The following FARS2 variants were observed in gnomAD, a reference collection of about 807,000 sequenced individuals.
FARS2 encodes the protein phenylalanyl-tRNA synthetase 2, mitochondrial, also known as phenylalanine--tRNA ligase, mitochondrial.
Under a neutral mutation model 46.4 loss-of-function variants are expected in FARS2, and 40 were observed. The observed-to-expected ratio is 0.86, with a 90% CI of 0.67 to 1.12. FARS2 has a LOEUF of 1.12. FARS2 is among the 50% of genes most tolerant of loss of function. The probability of loss-of-function intolerance (pLI) is 0.00; values close to 1 mark genes in which losing one functional copy is unlikely to be tolerated. For synonymous variants in FARS2, 234 were observed against 214.9 expected (o/e 1.09, Z -0.78); for missense variants, 513 against 567.9 (o/e 0.90, Z 0.98).
chr6:5,662,569 G>A lies in FARS2; in HGVS notation c.1217+49249G>A, dbSNP rs917215407. Among the ~76,000 whole-genome samples, 7 of 152,294 alleles carry A rather than the reference G, an allele frequency of 4.6e-5. No homozygotes were observed. The South Asian group carries it at 1.0e-3, about 23-fold the overall frequency. Reference sequence around the variant, plus strand: ...GGCCACTCCTCTTGCTGGCTTCACCGTTTGAACTAACTCAGGGACGGGTGT... The same window carrying A: ...GGCCACTCCTCTTGCTGGCTTCACCATTTGAACTAACTCAGGGACGGGTGT... On this transcript the variant is annotated intron_variant, in intron 6 of 6. Coordinates refer to ENST00000274680, the MANE Select transcript of FARS2 (RefSeq NM_006567.5).
chr6:5,482,309 C>T (rs1219412217), intron 4 of FARS2, among the ~76,000 whole-genome samples: 1 of 152,118 alleles, frequency 6.6e-6, no homozygotes, highest in Non-Finnish European at 1.5e-5. Context: ...GTAAATTACA[C>T]AGCATCTTAT....
intron 3 of FARS2, among the ~76,000 whole-genome samples, chr6:5,421,047 T>A (rs959064028): frequency 2.6e-5 from 4 of 151,966 alleles, no homozygotes. Context: ...CTAGCAGAGG[T>A]TCTCCATGAG....
intron 6 of FARS2, among the ~76,000 whole-genome samples, chr6:5,632,094 T>A (rs1776318801): frequency 6.6e-6 from 1 of 152,244 alleles, no homozygotes; most frequent in Admixed American, 6.5e-5. Context: ...TTGAATTAAG[T>A]TTTAAAAATC....
chr6:5,547,543 T>C (rs1490381453), intron 5 of FARS2, among the ~76,000 whole-genome samples: 1 of 152,230 alleles, frequency 6.6e-6, no homozygotes, highest in African/African-American at 2.4e-5. Context: ...TTCCTCTTGA[T>C]GGTGAGATCT....
chr6:5,768,316 A>G (rs1030414115), intron 6 of FARS2, among the ~76,000 whole-genome samples: 29 of 152,228 alleles, frequency 1.9e-4, no homozygotes, highest in African/African-American at 6.5e-4. Flanking sequence ...CCATGTATTT[A>G]TGAATCATTT....
chr6:5,603,991 C>T (rs1774686098), intron 5 of FARS2, among the ~76,000 whole-genome samples: 1 of 152,164 alleles, frequency 6.6e-6, no homozygotes, highest in Non-Finnish European at 1.5e-5. Context: ...AGCCAGAGAG[C>T]CTCACACCCC....
At chr6:5,356,501 A>G (rs1244831305) in intron 1 of FARS2, among the ~76,000 whole-genome samples, 1 of 152,228 alleles carries the variant, frequency 6.6e-6, no homozygotes, top group African/African-American at 2.4e-5. Context: ...TTAGACAGAT[A>G]GACCTGACCA....
intron 3 of FARS2, among the ~76,000 whole-genome samples, chr6:5,417,125 T>C (rs928091990): frequency 1.3e-5 from 2 of 152,244 alleles, no homozygotes; most frequent in African/African-American, 4.8e-5. Context: ...ATGAATTCTT[T>C]TGCATTTGTA....
At chr6:5,383,460 CGA>C (rs1467233916) in intron 2 of FARS2, among the ~76,000 whole-genome samples, 1 of 152,152 alleles carries the variant, frequency 6.6e-6, no homozygotes, top group Non-Finnish European at 1.5e-5. Flanking sequence ...GCTAGCGAAA[CGA>C]GAGGCAAATC....
intron 6 of FARS2, among the ~76,000 whole-genome samples, chr6:5,650,825 C>T (rs910565804): frequency 2.0e-5 from 3 of 152,192 alleles, no homozygotes; most frequent in African/African-American, 7.2e-5. Flanking sequence ...AGAGGCCCCA[C>T]GTTTCCCTGG....
chr6:5,489,598 T>C (rs1419676982), intron 4 of FARS2, among the ~76,000 whole-genome samples: 1 of 152,212 alleles, frequency 6.6e-6, no homozygotes, highest in Non-Finnish European at 1.5e-5. Context: ...GTTCAACCCT[T>C]GTAATATGCT....
intron 4 of FARS2, among the ~76,000 whole-genome samples, chr6:5,526,850 C>T (rs1472088921): frequency 6.6e-6 from 1 of 152,084 alleles, no homozygotes; most frequent in Admixed American, 6.5e-5. Flanking sequence ...CTCCTGACCT[C>T]AGATGATCCG....
At chr6:5,616,601 T>C (rs1325262281) in intron 6 of FARS2, among the ~76,000 whole-genome samples, 1 of 152,222 alleles carries the variant, frequency 6.6e-6, no homozygotes, top group Non-Finnish European at 1.5e-5. Context: ...CTTATACGTG[T>C]ATCCTGAAGG....
intron 4 of FARS2, among the ~76,000 whole-genome samples, chr6:5,463,683 A>T (rs1308346121): frequency 7.0e-6 from 1 of 143,636 alleles, no homozygotes; most frequent in East Asian, 2.1e-4. Flanking sequence ...CAACAGCATT[A>T]TGAGCAGATT....
chr6:5,512,047 C>G (rs548700152), intron 4 of FARS2, among the ~76,000 whole-genome samples: 3 of 152,284 alleles, frequency 2.0e-5, no homozygotes, highest in African/African-American at 7.2e-5. Flanking sequence ...TCAGAATATG[C>G]TTTATTTATG....
intron 2 of FARS2, among the ~76,000 whole-genome samples, chr6:5,373,938 A>G (rs1384038983): frequency 1.3e-5 from 2 of 151,976 alleles, no homozygotes; most frequent in African/African-American, 4.8e-5. Context: ...GACATTTGAG[A>G]CCACTGGAAA....
chr6:5,329,056 A>G (rs186554327), intron 1 of FARS2, among the ~76,000 whole-genome samples: 1 of 151,794 alleles, frequency 6.6e-6, no homozygotes, highest in East Asian at 1.9e-4. Context: ...GTTCTGTGGT[A>G]TTAGAGTGCT....
intron 5 of FARS2, among the ~76,000 whole-genome samples, chr6:5,573,401 C>T (rs905524479): frequency 6.6e-6 from 1 of 152,354 alleles, no homozygotes; most frequent in African/African-American, 2.4e-5. Context: ...TATTGACACA[C>T]ACACACACAC....
intron 2 of FARS2, among the ~76,000 whole-genome samples, chr6:5,377,951 GA>G (rs1282881115): frequency 6.6e-6 from 1 of 152,062 alleles, no homozygotes; most frequent in African/African-American, 2.4e-5. Flanking sequence ...CTTAACAAAT[GA>G]AGGCATAATT....
Sources: gnomAD v4.1 joint callset for allele counts (sites outside exome capture counted in the v4.1 genomes callset) on GRCh38, gnomAD v4.1.1 for gene constraint, MANE v1.5 for transcripts, NCBI Gene and HGNC (gene_info 2026-07-23, HGNC 2026-07-21) for gene names.